The following COL23A1 variants were observed in gnomAD, a reference collection of about 807,000 sequenced individuals.
COL23A1 encodes collagen type XXIII alpha 1 chain.
A neutral mutation model predicts 99.3 loss-of-function variants in COL23A1; 97 were observed. The ratio of observed to expected loss-of-function variants is 0.98; its 90% CI spans 0.83 to 1.16. The LOEUF (loss-of-function observed/expected upper bound fraction) is 1.16, where lower values mean the gene tolerates loss of function less well. COL23A1 is among the 50% of genes most tolerant of loss of function. COL23A1 has a pLI of 0.00. For synonymous variants in COL23A1, 320 were observed against 308.2 expected (o/e 1.04, Z -0.40); for missense variants, 762 against 757.4 (o/e 1.01, Z -0.07).
rs1757698428 is a variant in COL23A1 at position 178,487,436 on chromosome 5, C to T, written c.361+73246G>A. Among the ~76,000 whole-genome samples the T allele has an allele frequency of 6.6e-5, 10 of 152,102 alleles. No individual in the cohort carries two copies. In the South Asian group the frequency reaches 2.1e-3, roughly 31 times the overall value. ...TTGGGTTCAAGCGATTCTCCTGCCT[C>T]AGCCTCCTGAGTAGCTGAGATTACA... On this transcript the variant is annotated intron_variant, in intron 2 of 28. Transcript: ENST00000390654.
chr5:178,258,395 T>C (rs1765444051), intron 12 of COL23A1, among the ~76,000 whole-genome samples: 1 of 46,010 alleles, frequency 2.2e-5, no homozygotes, highest in Admixed American at 3.3e-4. Context: ...ATGGGAGAGG[T>C]TTTTTTTTTT....
In COL23A1 at chr5:178,252,560, C is replaced by T; in HGVS notation, c.998G>A (p.Gly333Glu). ...TGCACTGACCTTGGCTCCAGGGATC[C>T]CTGGTGGCCCTGGGGGCCCCTGTGG... ...PGPQGPPGPPGIPGAKGELGL... is the reference protein window; with the variant it reads ...PGPQGPPGPPEIPGAKGELGL... The change falls in exon 17 of 29, where the codon GGG (glycine) becomes GAG (glutamate). Residue 333 changes from glycine (G) to glutamate (E), a missense_variant. By Grantham distance (98) the Gly-to-Glu change is moderately conservative. Coordinates refer to ENST00000390654, the MANE Select transcript of COL23A1 (RefSeq NM_173465.4). The T allele has an allele frequency of 6.2e-7, 1 of 1,611,730 alleles. No individual in the cohort carries two copies. Among genetic ancestry groups the T allele is most frequent in the Non-Finnish European group, 8.5e-7 (1 of 1,179,108 alleles).
intron 1 of COL23A1, among the ~76,000 whole-genome samples, chr5:178,570,748 C>T (rs1562099807): frequency 6.6e-6 from 1 of 152,120 alleles, no homozygotes; most frequent in Non-Finnish European, 1.5e-5. Context: ...CCAGGCTGAG[C>T]ACATGGAGGG....
intron 2 of COL23A1, among the ~76,000 whole-genome samples, chr5:178,453,433 G>A (rs375052322): frequency 2.0e-5 from 3 of 152,154 alleles, no homozygotes; most frequent in African/African-American, 4.8e-5. Context: ...AGTCATTCCC[G>A]TGCCTGTGGT....
chr5:178,326,844 T>C (rs375612989), intron 2 of COL23A1, among the ~76,000 whole-genome samples: 10 of 152,218 alleles, frequency 6.6e-5, no homozygotes, highest in Middle Eastern at 3.2e-3. Flanking sequence ...CTCAGCCTCC[T>C]GGGTAGCTGG....
chr5:178,482,483 T>C (rs1355295272), intron 2 of COL23A1, among the ~76,000 whole-genome samples: 1 of 152,172 alleles, frequency 6.6e-6, no homozygotes, highest in Non-Finnish European at 1.5e-5. Flanking sequence ...TTAATGGGTA[T>C]GGAGTTTCAG....
At chr5:178,241,876 G>A (rs948956616) in intron 27 of COL23A1, among the ~76,000 whole-genome samples, 166 bp downstream of exon 27, 1 of 152,248 alleles carries the variant, frequency 6.6e-6, no homozygotes, top group African/African-American at 2.4e-5. Flanking sequence ...GGGGAACCGC[G>A]ATGATGGCAG....
intron 3 of COL23A1, among the ~76,000 whole-genome samples, chr5:178,302,186 T>C (rs1318628978): frequency 3.9e-5 from 2 of 51,846 alleles, no homozygotes; most frequent in African/African-American, 1.6e-4. Context: ...TGCACCTCTG[T>C]GTGTGCTGGA....
chr5:178,302,040 G>A (rs149179346), intron 3 of COL23A1, among the ~76,000 whole-genome samples: 12 of 23,620 alleles, frequency 5.1e-4, no homozygotes, highest in Non-Finnish European at 9.6e-4. Context: ...GTGTGTGCTG[G>A]AGCACGGCTT....
intron 2 of COL23A1, among the ~76,000 whole-genome samples, chr5:178,424,158 C>A (rs1561959404): frequency 6.6e-6 from 1 of 152,218 alleles, no homozygotes; most frequent in Admixed American, 6.5e-5. Context: ...AATCAAGCAG[C>A]CTCCCTTGCA....
At chr5:178,567,060 G>A (rs886417369) in intron 1 of COL23A1, among the ~76,000 whole-genome samples, 4 of 151,930 alleles carry the variant, frequency 2.6e-5, no homozygotes, top group African/African-American at 7.3e-5. Flanking sequence ...AAGCTACAGT[G>A]AACCCTGTGG....
At chr5:178,586,727 T>C (rs1368350003) in intron 1 of COL23A1, among the ~76,000 whole-genome samples, 2 of 152,156 alleles carry the variant, frequency 1.3e-5, no homozygotes, top group Non-Finnish European at 1.5e-5. Context: ...GAAACAAATG[T>C]AGCTATGATT....
At chr5:178,556,861 G>A (rs533628179) in intron 2 of COL23A1, among the ~76,000 whole-genome samples, 4 of 151,974 alleles carry the variant, frequency 2.6e-5, no homozygotes, top group Non-Finnish European at 4.4e-5. Context: ...GCTGAGGCAG[G>A]AGAATCGCTT....
At chr5:178,358,751 ATC>A (rs1224610829) in intron 2 of COL23A1, among the ~76,000 whole-genome samples, 51 of 134,802 alleles carry the variant, frequency 3.8e-4, no homozygotes, top group Admixed American at 7.9e-4. Context: ...CTGTGTGTGT[ATC>A]TGTGTGTGTG....
At chr5:178,246,721 CGGGGGGCG>C (rs1764717336) in intron 22 of COL23A1, among the ~76,000 whole-genome samples, 1 of 8,230 alleles carries the variant, frequency 1.2e-4, no homozygotes, top group Non-Finnish European at 3.1e-4. Context: ...CAGGTGCAGA[CGGGGGGCG>C]GGGGGGGGGG....
chr5:178,505,982 C>T (rs1446514757), intron 2 of COL23A1, among the ~76,000 whole-genome samples: 1 of 152,142 alleles, frequency 6.6e-6, no homozygotes, highest in Non-Finnish European at 1.5e-5. Context: ...TAAACCAGCC[C>T]CCCAAGTCCA....
intron 2 of COL23A1, among the ~76,000 whole-genome samples, chr5:178,536,654 G>A (rs903841160): frequency 2.6e-5 from 4 of 152,070 alleles, no homozygotes; most frequent in East Asian, 1.9e-4. Flanking sequence ...CCTGAGCTCC[G>A]GTACCTGCTG....
In COL23A1 at chr5:178,284,696, C is replaced by A. The variant is rs528422928; in HGVS notation, c.441+3628G>T. On this transcript the variant is annotated intron_variant, in intron 5 of 28. Transcript: ENST00000390654. ...AATAAATGATATATCGGATCAAATACAATGTAGCCATTACATTCTCTAAGG... is the reference window on the plus strand; with the variant it reads ...AATAAATGATATATCGGATCAAATAAAATGTAGCCATTACATTCTCTAAGG... 7.6e-4 allele frequency among the ~76,000 whole-genome samples: 116 copies of A among 152,174 alleles called. 1 individual carries two copies. Among genetic ancestry groups the A allele is most frequent in the African/African-American group, 2.7e-3 (114 of 41,508 alleles).
chr5:178,329,036 C>T (rs905825426), intron 2 of COL23A1, among the ~76,000 whole-genome samples: 2 of 152,110 alleles, frequency 1.3e-5, no homozygotes, highest in African/African-American at 4.8e-5. Context: ...CCCCAGCCAA[C>T]GAGCACTGTC....
Sources: gnomAD v4.1 joint callset for allele counts (sites outside exome capture counted in the v4.1 genomes callset) on GRCh38, gnomAD v4.1.1 for gene constraint, MANE v1.5 for transcripts, NCBI Gene and HGNC (gene_info 2026-07-23, HGNC 2026-07-21) for gene names.